Variants in RANBP2 observed in about 807,000 individuals in gnomAD.
The protein encoded by RANBP2 is E3 SUMO-protein ligase RanBP2.
A neutral mutation model predicts 303.6 loss-of-function variants in RANBP2; 57 were observed. The observed-to-expected ratio is 0.19, with a 90% CI of 0.15 to 0.23. RANBP2 has a LOEUF of 0.23. Ranked by LOEUF, RANBP2 falls within the 10% of genes least tolerant of loss-of-function variation. The pLI is 1.00. For missense variants in RANBP2, 3,138 were observed against 3,780.8 expected (o/e 0.83, Z 4.46); for synonymous variants, 1,167 against 1,301.5 (o/e 0.90, Z 2.23).
the RANBP2 span, among the ~76,000 whole-genome samples, chr2:109,730,862 C>T: frequency 6.2e-5 from 9 of 144,804 alleles, no homozygotes; most frequent in African/African-American, 2.3e-4. Context: ...AATCTCAGCT[C>T]ACCACAACAT....
the RANBP2 span, among the ~76,000 whole-genome samples, chr2:109,205,276 T>G: frequency 6.6e-6 from 1 of 151,812 alleles, no homozygotes; most frequent in African/African-American, 2.4e-5. Flanking sequence ...TTTTTTTTTT[T>G]TTTAAACTGA....
At chr2:109,457,813 C>T in the RANBP2 span, among the ~76,000 whole-genome samples, 1 of 152,176 alleles carries the variant, frequency 6.6e-6, no homozygotes, top group Non-Finnish European at 1.5e-5. Flanking sequence ...GAAAAACAAG[C>T]GCACACCCCA....
chr2:108,969,737 G>C, the RANBP2 span, among the ~76,000 whole-genome samples: 1 of 152,240 alleles, frequency 6.6e-6, no homozygotes, highest in Non-Finnish European at 1.5e-5. Flanking sequence ...AAAGGAGTGT[G>C]AGCTGCAGTC....
the RANBP2 span, among the ~76,000 whole-genome samples, chr2:109,270,471 A>C: frequency 6.6e-6 from 1 of 152,108 alleles, no homozygotes; most frequent in African/African-American, 2.4e-5. Context: ...CCACTGCCTG[A>C]GCTGGGGCTC....
At chr2:109,480,167 T>C in the RANBP2 span, among the ~76,000 whole-genome samples, 1 of 152,214 alleles carries the variant, frequency 6.6e-6, no homozygotes, top group Non-Finnish European at 1.5e-5. Context: ...AGACATCTGC[T>C]TTCAGAAAAG....
the RANBP2 span, among the ~76,000 whole-genome samples, chr2:109,449,860 T>A: frequency 6.6e-6 from 1 of 152,368 alleles, no homozygotes; most frequent in African/African-American, 2.4e-5. Flanking sequence ...ATAATAAATA[T>A]ACAAATCTAC....
chr2:109,113,693 G>A, the RANBP2 span, among the ~76,000 whole-genome samples: 1 of 152,208 alleles, frequency 6.6e-6, no homozygotes, highest in Non-Finnish European at 1.5e-5. Context: ...CGGTGAGAGA[G>A]GGCATCCCTG....
At chr2:109,140,077 C>T in the RANBP2 span, among the ~76,000 whole-genome samples, 9 of 152,334 alleles carry the variant, frequency 5.9e-5, no homozygotes, top group African/African-American at 1.9e-4. Context: ...GACAGGTCTG[C>T]GGAAGGCTTT....
Position 108,765,857 on chromosome 2 carries a change from G to T in RANBP2, c.5318G>T (p.Ser1773Ile). 6.2e-7 allele frequency: 1 copy of T among 1,614,198 alleles called. No individual in the cohort carries two copies. The highest frequency in any genetic ancestry group is 8.5e-7 in the Non-Finnish European group (1 of 1,180,008). Residue 1773 changes from serine (S) to isoleucine (I), a missense_variant, in exon 20 of 29, where the codon AGT (serine) becomes ATT (isoleucine). Around this residue, in one of 20 missense-constraint regions of RANBP2, gnomAD observed 348 missense variants for 360.4 expected, o/e 0.97. Coordinates refer to ENST00000283195, the MANE Select transcript of RANBP2 (RefSeq NM_006267.5). Reference protein sequence around the residue: ...ASSEISKAPKSGFEGMFIRKG... With the variant: ...ASSEISKAPKIGFEGMFIRKG... ...TCGGAGATAAGCAAGGCTCCAAAGA[G>T]TGGATTTGAAGGAATGTTCATCAGG...
chr2:109,181,731 C>T, the RANBP2 span, among the ~76,000 whole-genome samples: 2 of 152,186 alleles, frequency 1.3e-5, no homozygotes, highest in Non-Finnish European at 2.9e-5. Flanking sequence ...CTTTCTTCTC[C>T]AGCCATGGTA....
the RANBP2 span, among the ~76,000 whole-genome samples, chr2:108,858,414 T>A: frequency 6.6e-6 from 1 of 152,114 alleles, no homozygotes; most frequent in Non-Finnish European, 1.5e-5. Context: ...AAATAAGCAG[T>A]ATCTAATGGT....
the RANBP2 span, among the ~76,000 whole-genome samples, chr2:108,950,524 C>T: frequency 6.6e-6 from 1 of 152,144 alleles, no homozygotes; most frequent in African/African-American, 2.4e-5. Flanking sequence ...CAGGGAAGCA[C>T]AAGAGATTGT....
the RANBP2 span, among the ~76,000 whole-genome samples, chr2:109,689,312 C>T: frequency 2.0e-5 from 3 of 152,186 alleles, no homozygotes; most frequent in Admixed American, 1.3e-4. Context: ...CCCACAACAG[C>T]ATGCCTGGGC....
the RANBP2 span, among the ~76,000 whole-genome samples, chr2:109,188,675 G>A: frequency 2.0e-5 from 3 of 152,280 alleles, no homozygotes; most frequent in South Asian, 6.2e-4. Context: ...AAGCGCTTGG[G>A]TTTGCTCCTG....
At chr2:109,371,315 C>T in the RANBP2 span, among the ~76,000 whole-genome samples, 1,132 of 152,284 alleles carry the variant, frequency 7.4e-3, 14 homozygotes, top group African/African-American at 0.026. Context: ...GCTTGAACCC[C>T]GGAGGCGGAG....
chr2:108,981,185 A>C, the RANBP2 span, among the ~76,000 whole-genome samples: 2 of 152,164 alleles, frequency 1.3e-5, no homozygotes, highest in Non-Finnish European at 2.9e-5. Context: ...GTTACCCAGC[A>C]ATGATGATCT....
the RANBP2 span, among the ~76,000 whole-genome samples, chr2:109,193,034 C>T: frequency 9.9e-5 from 15 of 152,226 alleles, no homozygotes; most frequent in Non-Finnish European, 1.9e-4. Flanking sequence ...GATCCATCAA[C>T]AGATGTCAAT....
chr2:109,452,462 T>C, the RANBP2 span, among the ~76,000 whole-genome samples: 1 of 152,234 alleles, frequency 6.6e-6, no homozygotes, highest in Non-Finnish European at 1.5e-5. Context: ...CATCCACTGA[T>C]GCATATACCT....
At chr2:109,158,827 C>T in the RANBP2 span, among the ~76,000 whole-genome samples, 2 of 152,204 alleles carry the variant, frequency 1.3e-5, no homozygotes, top group Non-Finnish European at 2.9e-5. Flanking sequence ...GGTCTACATG[C>T]TTTATGTGTA....
Sources: gnomAD v4.1 joint callset for allele counts (sites outside exome capture counted in the v4.1 genomes callset) on GRCh38, gnomAD v4.1.1 for gene constraint, gnomAD v4.1.1 regional missense constraint, MANE v1.5 for transcripts, NCBI Gene and HGNC (gene_info 2026-07-23, HGNC 2026-07-21) for gene names.